NFIL3: variants seen among roughly 807,000 people sequenced by gnomAD.
NFIL3 encodes nuclear factor, interleukin 3 regulated, also known as nuclear factor interleukin-3-regulated protein.
A neutral mutation model predicts 10.0 loss-of-function variants in NFIL3; 5 were observed. The ratio of observed to expected loss-of-function variants is 0.50; its 90% CI spans 0.26 to 1.06. NFIL3 has a LOEUF of 1.06. NFIL3 is among the 50% of genes least tolerant of loss of function. The pLI is 0.13. For synonymous variants in NFIL3, 202 were observed against 206.5 expected (o/e 0.98, Z 0.19); for missense variants, 436 against 547.6 (o/e 0.80, Z 2.03).
At chr9:91,428,092 C>G (rs1339538310), upstream of NFIL3, among the ~76,000 whole-genome samples, 1 of 152,186 alleles carries the variant, frequency 6.6e-6, no homozygotes, top group Non-Finnish European at 1.5e-5. Flanking sequence ...CAGAAACTTC[C>G]TGGAATGATA....
intron 1 of NFIL3, among the ~76,000 whole-genome samples, chr9:91,412,098 CAAAAAA>C (rs56891881): frequency 1.3e-5 from 1 of 76,850 alleles, no homozygotes; most frequent in Non-Finnish European, 2.6e-5. Context: ...AAGACTCTGT[CAAAAAA>C]AAAAAAAAAA....
the NFIL3 span, among the ~76,000 whole-genome samples, chr9:91,469,034 A>G: frequency 5.3e-5 from 8 of 152,264 alleles, no homozygotes; most frequent in African/African-American, 1.7e-4. Context: ...TTGGTTCCAT[A>G]TGAACTTTAA....
At chr9:91,481,183 G>T in the NFIL3 span, among the ~76,000 whole-genome samples, 1 of 152,162 alleles carries the variant, frequency 6.6e-6, no homozygotes, top group African/African-American at 2.4e-5. Flanking sequence ...AATACATTTT[G>T]TGTGTAAATC....
the NFIL3 span, among the ~76,000 whole-genome samples, chr9:91,474,889 A>T: frequency 6.6e-6 from 1 of 152,238 alleles, no homozygotes; most frequent in Non-Finnish European, 1.5e-5. Flanking sequence ...CAGATTAGTC[A>T]GCCCCTCATG....
the NFIL3 span, among the ~76,000 whole-genome samples, chr9:91,456,760 A>G: frequency 6.6e-6 from 1 of 152,114 alleles, no homozygotes; most frequent in South Asian, 2.1e-4. Context: ...TATCTAAAAA[A>G]TCTTTGCCTA....
chr9:91,476,092 A>G, the NFIL3 span, among the ~76,000 whole-genome samples: 1 of 152,232 alleles, frequency 6.6e-6, no homozygotes, highest in Non-Finnish European at 1.5e-5. Context: ...TAACCTTTAA[A>G]GCACAGTTAA....
At chr9:91,446,792 TTCTCTCTC>T in the NFIL3 span, among the ~76,000 whole-genome samples, 3 of 145,566 alleles carry the variant, frequency 2.1e-5, no homozygotes, top group South Asian at 2.3e-4. Flanking sequence ...CTCCCTCCCT[TTCTCTCTC>T]TCTCTCTCTC....
At chr9:91,477,814 TTTTC>T in the NFIL3 span, among the ~76,000 whole-genome samples, 6 of 152,252 alleles carry the variant, frequency 3.9e-5, no homozygotes, top group Non-Finnish European at 8.8e-5. Flanking sequence ...CTCCTTTTTA[TTTTC>T]TTTATTCTTT....
At chr9:91,428,271 T>C (rs1448069112), upstream of NFIL3, among the ~76,000 whole-genome samples, 2 of 152,222 alleles carry the variant, frequency 1.3e-5, no homozygotes, top group Admixed American at 1.3e-4. Flanking sequence ...TCTTAGTTTT[T>C]TCCTTTGGCC....
the NFIL3 span, among the ~76,000 whole-genome samples, chr9:91,452,101 G>A: frequency 1.6e-4 from 24 of 152,128 alleles, no homozygotes; most frequent in South Asian, 4.1e-4. Context: ...GGTTGTTTGG[G>A]CATACCTCAT....
the NFIL3 span, among the ~76,000 whole-genome samples, chr9:91,439,644 G>A: frequency 6.6e-6 from 1 of 151,644 alleles, no homozygotes; most frequent in Non-Finnish European, 1.5e-5. Flanking sequence ...TTAGCTGTGG[G>A]GTTTGCATAC....
the NFIL3 span, among the ~76,000 whole-genome samples, chr9:91,480,614 T>C: frequency 6.6e-6 from 1 of 152,088 alleles, no homozygotes; most frequent in East Asian, 1.9e-4. Flanking sequence ...GAGAATAGAT[T>C]GTATTTTAAA....
At chr9:91,446,174 T>C in the NFIL3 span, among the ~76,000 whole-genome samples, 1 of 152,074 alleles carries the variant, frequency 6.6e-6, no homozygotes, top group Non-Finnish European at 1.5e-5. Flanking sequence ...TCCACAGTGG[T>C]GATGGGGGTT....
chr9:91,409,115 A>G lies in NFIL3; in HGVS notation c.*231T>C. 2.4e-6 allele frequency: 1 copy of G among 425,252 alleles called. No individual in the cohort carries two copies. Among genetic ancestry groups the G allele is most frequent in the Non-Finnish European group, 4.1e-6 (1 of 241,332 alleles). 26.3% of individuals were successfully genotyped at this position (425,252 alleles called of 1,614,324 possible). ...ACTTTATAATAGAACAACAAAAATA[A>G]TGTTCAATATATACAGCCTTCGCAT... On this transcript the variant is annotated 3_prime_UTR_variant, in exon 2 of 2. Coordinates refer to ENST00000297689, the MANE Select transcript of NFIL3 (RefSeq NM_005384.3).
chr9:91,465,032 C>T, the NFIL3 span, among the ~76,000 whole-genome samples: 1 of 151,780 alleles, frequency 6.6e-6, no homozygotes, highest in Admixed American at 6.6e-5. Flanking sequence ...TCCTATTTGT[C>T]TTTGGTTTTC....
At chr9:91,422,968 T>G (rs948756207) in intron 1 of NFIL3, among the ~76,000 whole-genome samples, 2 of 152,126 alleles carry the variant, frequency 1.3e-5, no homozygotes, top group African/African-American at 4.8e-5. Flanking sequence ...CAGCCCGCAA[T>G]TCTTGCCAAC....
the NFIL3 span, among the ~76,000 whole-genome samples, chr9:91,435,873 C>T: frequency 3.9e-5 from 6 of 152,184 alleles, no homozygotes; most frequent in Non-Finnish European, 5.9e-5. Context: ...ACATCTTGTA[C>T]ATCCCATAGT....
chr9:91,428,352 C>T (rs1037265676), upstream of NFIL3, among the ~76,000 whole-genome samples: 2 of 152,160 alleles, frequency 1.3e-5, no homozygotes, highest in East Asian at 1.9e-4. Flanking sequence ...TTTCTCTTTG[C>T]TCTTGCCACC....
rs1390520798 is a variant in NFIL3, at chr9:91,419,163, T to C, written c.-173+4477A>G. Among the ~76,000 whole-genome samples, 3 of 152,232 alleles carry C rather than the reference T, an allele frequency of 2.0e-5. No homozygotes were observed. In the East Asian group the frequency reaches 5.8e-4, roughly 29 times the overall value. ...ACATTGTTTCTGTTATATTTTGAATTGAATCCCAAGTGTGCTCTCATTCCT... is the reference window on the plus strand; with the variant it reads ...ACATTGTTTCTGTTATATTTTGAATCGAATCCCAAGTGTGCTCTCATTCCT... On this transcript the variant is annotated intron_variant, in intron 1 of 1. Transcript: ENST00000297689.
Sources: allele counts gnomAD v4.1 joint callset (sites outside exome capture counted in the v4.1 genomes callset), GRCh38; gene constraint gnomAD v4.1.1; transcripts MANE v1.5; gene names NCBI Gene and HGNC (gene_info 2026-07-23, HGNC 2026-07-21).